CDC14A: variants seen among roughly 807,000 people sequenced by gnomAD.
CDC14A encodes dual specificity protein phosphatase CDC14A.
A neutral mutation model predicts 74.4 loss-of-function variants in CDC14A; 53 were observed. The observed-to-expected ratio is 0.71, with a 90% CI of 0.57 to 0.89. CDC14A has a LOEUF of 0.89. Among genes scored for constraint, CDC14A ranks in the 40% least tolerant of loss-of-function variants. The pLI, the probability that CDC14A is intolerant of heterozygous loss-of-function variation, is 0.00. For missense variants in CDC14A, 646 were observed against 713.7 expected (o/e 0.91, Z 1.08); for synonymous variants, 247 against 258.4 (o/e 0.96, Z 0.43).
chr1:100,420,063 C>CATATATAT lies in CDC14A; in HGVS notation c.310-4147_310-4140dup, dbSNP rs1553180578. ...ACACACACACACACACACACACACA[C>CATATATAT]ATATATATATATATATATAGTGTGT... On this transcript the variant is annotated intron_variant, in intron 4 of 15. Coordinates refer to ENST00000336454, the MANE Select transcript of CDC14A (RefSeq NM_003672.4). Among the ~76,000 whole-genome samples the CATATATAT allele has an allele frequency of 5.6e-3, 343 of 61,540 alleles. 6 individuals are homozygous for CATATATAT. Among genetic ancestry groups the CATATATAT allele is most frequent in the Middle Eastern group, 0.013 (1 of 78 alleles). The allele number at this position is 61,540 out of a possible 152,430, so 40.4% of individuals were successfully genotyped here. A position where few individuals can be genotyped will look rare whatever the true frequency, so the allele number is the denominator to read the frequency against.
At chr1:100,465,415 A>G (rs758654843) in intron 9 of CDC14A, among the ~76,000 whole-genome samples, 2 of 152,136 alleles carry the variant, frequency 1.3e-5, no homozygotes, top group Non-Finnish European at 2.9e-5. Context: ...TTTTATAAGG[A>G]TTACACCTTT....
Position 100,499,049 on chromosome 1 carries a change from C to A in CDC14A, c.1542C>A (p.Thr514=). 6.2e-7 allele frequency: 1 copy of A among 1,614,160 alleles called. No homozygotes were observed. The highest frequency in any genetic ancestry group is 1.1e-5 in the South Asian group (1 of 91,076). The change falls in exon 15 of 16, where the codon ACC becomes ACA. Residue 514 remains threonine (T), a synonymous_variant. Coordinates refer to ENST00000336454, the MANE Select transcript of CDC14A (RefSeq NM_003672.4). Reference sequence around the variant, plus strand: ...CAGGCTTCACAGCCAGCCCGTTTACCAACCTCTTGAATGGCAGCTCCCAGC... The same window carrying A: ...CAGGCTTCACAGCCAGCCCGTTTACAAACCTCTTGAATGGCAGCTCCCAGC... ...SKAGFTASPF[T]NLLNGSSQPT...
intron 11 of CDC14A, 64 bp downstream of exon 11, chr1:100,484,515 GA>G (rs1476766703): frequency 6.6e-7 from 1 of 1,520,538 alleles, no homozygotes; most frequent in Non-Finnish European, 8.8e-7. Context: ...TTCTCAGTTG[GA>G]CCTATATAAC....
In CDC14A at chr1:100,376,120, G is replaced by A. The variant is rs1309020944; in HGVS notation, c.141-1426G>A. Among the ~76,000 whole-genome samples the A allele has an allele frequency of 2.0e-5, 3 of 152,184 alleles. No individual in the cohort carries two copies. The East Asian group carries it at 5.8e-4, about 29-fold the overall frequency. On this transcript the variant is annotated intron_variant, in intron 2 of 15. Transcript: ENST00000336454. ...CAATGAGAACACTTGGACATGGGAA[G>A]GGGAACATCACACACCAGGGCCTGC...
intron 8 of CDC14A, among the ~76,000 whole-genome samples, chr1:100,455,783 C>A (rs1666622205): frequency 6.6e-6 from 1 of 152,174 alleles, no homozygotes; most frequent in Non-Finnish European, 1.5e-5. Context: ...TGGTCAAACT[C>A]ATAAGCAGAT....
chr1:100,461,597 A>G (rs1320067296), intron 8 of CDC14A, among the ~76,000 whole-genome samples: 2 of 152,196 alleles, frequency 1.3e-5, no homozygotes, highest in East Asian at 3.9e-4. Flanking sequence ...TGGAGCTGCC[A>G]TTGCAAGGCC....
At chr1:100,501,983 G>A (rs1032715844) in intron 15 of CDC14A, among the ~76,000 whole-genome samples, 3 of 152,166 alleles carry the variant, frequency 2.0e-5, no homozygotes, top group African/African-American at 7.2e-5. Flanking sequence ...TATTTTAAGT[G>A]TTAATTTCAA....
rs1649417541 is a variant in CDC14A, at chr1:100,508,330, T to A, written c.1755+9068T>A. 6.6e-6 allele frequency among the ~76,000 whole-genome samples: 1 copy of A among 151,958 alleles called. No homozygotes were observed. Among genetic ancestry groups the A allele is most frequent in the South Asian group, 2.1e-4 (1 of 4,828 alleles). On this transcript the variant is annotated intron_variant, in intron 15 of 15. Coordinates refer to ENST00000336454, the MANE Select transcript of CDC14A (RefSeq NM_003672.4). The surrounding 1 kb of genome is among the most constrained non-coding windows in gnomAD (Gnocchi z 4.4). ...ATATATTTTTTTCACTTGAAGGATC[T>A]CAGGTGATAAGCCATTTTGATATTG...
chr1:100,411,232 C>T (rs1228806079), intron 4 of CDC14A, among the ~76,000 whole-genome samples: 1 of 152,200 alleles, frequency 6.6e-6, no homozygotes, highest in Non-Finnish European at 1.5e-5. Flanking sequence ...CCTCAGCTTA[C>T]TTCGACACCC....
intron 2 of CDC14A, among the ~76,000 whole-genome samples, chr1:100,356,870 A>AT (rs1237620947): frequency 1.3e-5 from 2 of 151,522 alleles, no homozygotes; most frequent in East Asian, 1.9e-4. Flanking sequence ...AAAAAAAAAA[A>AT]AAAAAAAAAA....
At chr1:100,514,918 A>C (rs1292405046) in intron 15 of CDC14A, among the ~76,000 whole-genome samples, 1 of 152,230 alleles carries the variant, frequency 6.6e-6, no homozygotes, top group Non-Finnish European at 1.5e-5. Flanking sequence ...TTTACTATAA[A>C]ATGTAATTTT....
At chr1:100,488,574 T>G (rs1670303188) in intron 11 of CDC14A, among the ~76,000 whole-genome samples, 1 of 152,240 alleles carries the variant, frequency 6.6e-6, no homozygotes, top group Non-Finnish European at 1.5e-5. Flanking sequence ...GGTTTTTACA[T>G]TTTGTCTTTC....
At position 100,484,355 on chromosome 1, in the gene CDC14A, C is replaced by T. The variant is rs1669820319; in HGVS notation, c.1041C>T (p.Ser347=). The part of the protein sequence containing the change: ...IFRSKLKNRP[S]SEGSINKILS... ...GATCCAAACTGAAAAATCGACCATC[C>T]AGTGAAGGAAGTATTAATAAAATTC... is the stretch of plus-strand genomic sequence containing the variant. The change falls in exon 11 of 16, where the codon TCC becomes TCT. Residue 347 remains serine, a synonymous_variant. Transcript: ENST00000336454. 1 of 1,605,126 alleles carries T rather than the reference C, an allele frequency of 6.2e-7. No homozygotes were observed. The highest frequency in any genetic ancestry group is 1.3e-5 in the African/African-American group (1 of 74,266).
At chr1:100,365,570 G>A (rs892850692) in intron 2 of CDC14A, among the ~76,000 whole-genome samples, 2 of 152,206 alleles carry the variant, frequency 1.3e-5, no homozygotes, top group African/African-American at 2.4e-5. Flanking sequence ...GGGACACTGA[G>A]TGACCAAATT....
At position 100,393,954 on chromosome 1, in the gene CDC14A, C is replaced by CA. The variant is rs377483612; in HGVS notation, c.309+3139dup. 4.6e-3 allele frequency: 922 copies of CA among 202,256 alleles called. 4 individuals carry two copies. Among genetic ancestry groups the CA allele is most frequent in the African/African-American group, 0.011 (436 of 39,590 alleles). 12.5% of individuals were successfully genotyped at this position (202,256 alleles called of 1,614,324 possible). A position where few individuals can be genotyped will look rare whatever the true frequency, so the allele number is the denominator to read the frequency against. ...GAGACTCTGTTCCCCCTCCCCACCGCAAAAAAAAATATATATATATATAGC... is the reference window on the plus strand; with the variant it reads ...GAGACTCTGTTCCCCCTCCCCACCGCAAAAAAAAAATATATATATATATAGC... On this transcript the variant is annotated intron_variant, in intron 4 of 15. Coordinates refer to ENST00000336454, the MANE Select transcript of CDC14A (RefSeq NM_003672.4).
intron 4 of CDC14A, among the ~76,000 whole-genome samples, chr1:100,415,292 G>A (rs1209055876): frequency 2.6e-5 from 4 of 152,140 alleles, no homozygotes; most frequent in Admixed American, 1.3e-4. Flanking sequence ...GCTGTTTGTT[G>A]ACTGTATGTT....
chr1:100,459,478 C>T (rs183867293), intron 8 of CDC14A, among the ~76,000 whole-genome samples: 114 of 152,304 alleles, frequency 7.5e-4, no homozygotes, highest in Non-Finnish European at 1.0e-3. Flanking sequence ...CTGGCCTAAT[C>T]AACAGATTTT....
At chr1:100,368,423 C>T (rs1570971386) in intron 2 of CDC14A, among the ~76,000 whole-genome samples, 2 of 151,992 alleles carry the variant, frequency 1.3e-5, no homozygotes, top group East Asian at 3.9e-4. Flanking sequence ...ATTTTATTTC[C>T]TGGTGTTTGG....
intron 4 of CDC14A, chr1:100,393,616 C>A: frequency 1.5e-6 from 1 of 666,764 alleles, no homozygotes; most frequent in South Asian, 1.4e-5. Flanking sequence ...ACTGCAGCTG[C>A]TTCCTGCACA....
Sources: allele counts gnomAD v4.1 joint callset (sites outside exome capture counted in the v4.1 genomes callset), GRCh38; gene constraint gnomAD v4.1.1; non-coding constraint Gnocchi (gnomAD v3.1); transcripts MANE v1.5; gene names NCBI Gene and HGNC (gene_info 2026-07-23, HGNC 2026-07-21).